Variants in SLCO5A1 observed in about 807,000 individuals in gnomAD.
SLCO5A1 encodes the protein solute carrier organic anion transporter family member 5A1, also known as organic anion transporter polypeptide-related protein 4.
Under a neutral mutation model 65.1 loss-of-function variants are expected in SLCO5A1, and 39 were observed. The ratio of observed to expected loss-of-function variants is 0.60; its 90% CI spans 0.46 to 0.78. SLCO5A1 has a LOEUF of 0.78. SLCO5A1 is among the 30% of genes least tolerant of loss of function. The pLI, the probability that SLCO5A1 is intolerant of heterozygous loss-of-function variation, is 0.00. For synonymous variants in SLCO5A1, 438 were observed against 415.7 expected (o/e 1.05, Z -0.65); for missense variants, 1,029 against 1,069.4 (o/e 0.96, Z 0.53).
chr8:69,704,903 G>C (rs1814900237), intron 6 of SLCO5A1, 128 bp downstream of exon 6: 1 of 840,826 alleles, frequency 1.2e-6, no homozygotes, highest in African/African-American at 1.7e-5. Context: ...GAGAGGCAGA[G>C]CACACAGAGC....
chr8:69,772,623 G>GGAAAA (rs1818375819), intron 2 of SLCO5A1, among the ~76,000 whole-genome samples: 1 of 149,442 alleles, frequency 6.7e-6, no homozygotes, highest in Non-Finnish European at 1.5e-5. Context: ...GGAAAGGAAA[G>GGAAAA]GAAAGGAAAG....
intron 3 of SLCO5A1, among the ~76,000 whole-genome samples, chr8:69,758,829 G>A (rs1036000990): frequency 2.0e-5 from 3 of 152,150 alleles, no homozygotes; most frequent in African/African-American, 7.2e-5. Flanking sequence ...CACTTGAAAA[G>A]CCAAGCTACC....
chr8:69,818,584 G>A (rs1290360288), intron 2 of SLCO5A1, among the ~76,000 whole-genome samples: 4 of 152,156 alleles, frequency 2.6e-5, no homozygotes, highest in Non-Finnish European at 5.9e-5. Context: ...TACTAAAAAG[G>A]CTGATCTCTG....
chr8:69,686,397 C>T (rs1252186157), intron 6 of SLCO5A1, among the ~76,000 whole-genome samples: 1 of 152,056 alleles, frequency 6.6e-6, no homozygotes, highest in African/African-American at 2.4e-5. Flanking sequence ...ATATGAGAAC[C>T]CTTCTTTGGC....
Position 69,718,505 on chromosome 8 carries a change from G to A in SLCO5A1, c.1424-13276C>T, listed in dbSNP as rs557424513. On this transcript the variant is annotated intron_variant, in intron 5 of 9. Transcript: ENST00000260126. ...AAACAATCCAGTCTGTCACCATTAA[G>A]TATGATGTTAGCTGTGGGTTTTCCA... Among the ~76,000 whole-genome samples, 220 of 152,246 alleles carry A rather than the reference G, an allele frequency of 1.4e-3. 1 individual carries two copies. Among genetic ancestry groups the A allele is most frequent in the Non-Finnish European group, 2.1e-3 (143 of 68,016 alleles).
intron 2 of SLCO5A1, among the ~76,000 whole-genome samples, chr8:69,796,624 T>TTATATA (rs144335187): frequency 2.0e-5 from 3 of 148,894 alleles, no homozygotes; most frequent in Admixed American, 6.7e-5. Flanking sequence ...CTCAAACATT[T>TTATATA]TATATATATA....
In SLCO5A1 at chr8:69,832,580, T is replaced by G; in HGVS notation, c.94A>C (p.Thr32Pro). ...EAVQERCEPE[T>P]LRSKSLPVLS... ...ACCGGTAAACTCTTAGACCTGAGGG[T>G]CTCCGGCTCGCACCTCTCTTGGACA... The change falls in exon 2 of 10, where the codon ACC becomes CCC. Residue 32 changes from threonine (T) to proline (P), a missense_variant. Thr to Pro is a conservative substitution (Grantham distance 38). Coordinates refer to ENST00000260126, the MANE Select transcript of SLCO5A1 (RefSeq NM_030958.3). The surrounding 1 kb of genome is among the most constrained non-coding windows in gnomAD (Gnocchi z 4.5). 1 of 1,612,826 alleles carries G rather than the reference T, an allele frequency of 6.2e-7. No homozygotes were observed. The highest frequency in any genetic ancestry group is 1.7e-5 in the Admixed American group (1 of 59,906).
chr8:69,778,656 A>C (rs2130880617), intron 2 of SLCO5A1, among the ~76,000 whole-genome samples: 1 of 152,332 alleles, frequency 6.6e-6, no homozygotes, highest in Non-Finnish European at 1.5e-5. Context: ...GTAGCTTTAT[A>C]TTATTCAGCT....
At chr8:69,692,945 T>G (rs1009481980) in intron 6 of SLCO5A1, among the ~76,000 whole-genome samples, 3 of 152,226 alleles carry the variant, frequency 2.0e-5, no homozygotes, top group Non-Finnish European at 4.4e-5. Flanking sequence ...ACACAGGTGC[T>G]TATTATCAAG....
chr8:69,812,686 T>A lies in SLCO5A1; in HGVS notation c.907+19081A>T, dbSNP rs144997659. Among the ~76,000 whole-genome samples the A allele has an allele frequency of 2.2e-3, 328 of 152,308 alleles. 1 individual carries two copies. Among genetic ancestry groups the A allele is most frequent in the African/African-American group, 7.5e-3 (310 of 41,568 alleles). ...TGAAGCCAGCAATTTAGAGTAACAC[T>A]ACCCATCGCTCTTCATGACTTGCAT... On this transcript the variant is annotated intron_variant, in intron 2 of 9. Transcript: ENST00000260126.
intron 4 of SLCO5A1, among the ~76,000 whole-genome samples, chr8:69,740,660 AG>A (rs754729650): frequency 2.6e-5 from 4 of 152,202 alleles, no homozygotes; most frequent in Admixed American, 6.5e-5. Flanking sequence ...AAGGAACAAG[AG>A]TTCCCTGGAA....
intron 4 of SLCO5A1, among the ~76,000 whole-genome samples, chr8:69,746,513 A>G (rs1460184860): frequency 1.3e-5 from 2 of 152,228 alleles, no homozygotes; most frequent in Non-Finnish European, 2.9e-5. Flanking sequence ...GTTATATAAA[A>G]GATGGGGATT....
intron 5 of SLCO5A1, among the ~76,000 whole-genome samples, chr8:69,716,917 C>T (rs1267236251): frequency 6.6e-6 from 1 of 151,916 alleles, no homozygotes; most frequent in Non-Finnish European, 1.5e-5. Flanking sequence ...ATAGCTGGGA[C>T]TACAGGCACA....
chr8:69,815,223 C>T (rs183242804), intron 2 of SLCO5A1, among the ~76,000 whole-genome samples: 1 of 152,256 alleles, frequency 6.6e-6, no homozygotes, highest in East Asian at 1.9e-4. Context: ...AATTAGTCTG[C>T]ATTGTATTCA....
chr8:69,825,087 G>C (rs1428316503), intron 2 of SLCO5A1, among the ~76,000 whole-genome samples: 3 of 152,070 alleles, frequency 2.0e-5, no homozygotes, highest in South Asian at 2.1e-4. Context: ...ATGCTTCATG[G>C]TAAAAACTCT....
intron 2 of SLCO5A1, among the ~76,000 whole-genome samples, chr8:69,785,880 A>T (rs1819025646): frequency 6.6e-6 from 1 of 152,228 alleles, no homozygotes; most frequent in Admixed American, 6.5e-5. Flanking sequence ...TCTCAACACC[A>T]AGTCCTAATC....
At chr8:69,726,407 T>G (rs1244822187) in intron 5 of SLCO5A1, among the ~76,000 whole-genome samples, 1 of 152,152 alleles carries the variant, frequency 6.6e-6, no homozygotes, top group Non-Finnish European at 1.5e-5. Context: ...ATATTATATC[T>G]CCTAGCCTCC....
rs149151022 is a variant in SLCO5A1, at chr8:69,785,757, C to G, written c.908-23882G>C. Among the ~76,000 whole-genome samples the G allele has an allele frequency of 2.0e-5, 3 of 152,300 alleles. No individual in the cohort carries two copies. In the East Asian group the frequency reaches 5.8e-4, roughly 29 times the overall value. On this transcript the variant is annotated intron_variant, in intron 2 of 9. Transcript: ENST00000260126. ...AAATACAGCCACAAATGAAATCACACTTTAACCCAACAAATATCAAGAGCA... is the reference window on the plus strand; with the variant it reads ...AAATACAGCCACAAATGAAATCACAGTTTAACCCAACAAATATCAAGAGCA...
intron 2 of SLCO5A1, among the ~76,000 whole-genome samples, chr8:69,824,360 C>T (rs193008701): frequency 2.2e-3 from 338 of 152,118 alleles, no homozygotes; most frequent in Non-Finnish European, 4.1e-3. Context: ...AACAGATCAA[C>T]AATATTGATA....
Sources: allele counts gnomAD v4.1 joint callset (sites outside exome capture counted in the v4.1 genomes callset), GRCh38; gene constraint gnomAD v4.1.1; non-coding constraint Gnocchi (gnomAD v3.1); transcripts MANE v1.5; gene names NCBI Gene and HGNC (gene_info 2026-07-23, HGNC 2026-07-21).